AK5: variants seen among roughly 807,000 people sequenced by gnomAD.
The protein encoded by AK5 is adenylate kinase 5.
A neutral mutation model predicts 69.5 loss-of-function variants in AK5; 27 were observed. The ratio of observed to expected loss-of-function variants is 0.39; its 90% CI spans 0.29 to 0.54. The LOEUF is 0.54. AK5 is among the 20% of genes least tolerant of loss of function. The pLI, the probability that AK5 is intolerant of heterozygous loss-of-function variation, is 0.71. For missense variants in AK5, 531 were observed against 700.4 expected, an observed-to-expected ratio of 0.76 and a Z score of 2.73; for synonymous variants, 260 against 244.4, an observed-to-expected ratio of 1.06 and a Z score of -0.60.
intron 13 of AK5, among the ~76,000 whole-genome samples, chr1:77,551,921 G>C (rs563570958): frequency 6.6e-6 from 1 of 152,242 alleles, no homozygotes; most frequent in East Asian, 1.9e-4. Flanking sequence ...ATGACCTCGT[G>C]CTCATGGAGC....
chr1:77,501,557 C>T (rs538457376), intron 10 of AK5, among the ~76,000 whole-genome samples: 51 of 152,122 alleles, frequency 3.4e-4, no homozygotes, highest in Non-Finnish European at 5.7e-4. Context: ...AATAACACCA[C>T]GGTAAGTATT....
At chr1:77,470,853 ATATATATATATATATATATATAT>A (rs1462241595) in intron 8 of AK5, among the ~76,000 whole-genome samples, 482 of 2,952 alleles carry the variant, frequency 0.16, 71 homozygotes, top group African/African-American at 0.31. Flanking sequence ...ATATATATAT[ATATATATATATATATATATATAT>A]TTTTTTTTTT....
chr1:77,476,907 T>TTTAAA (rs945115135), intron 8 of AK5, among the ~76,000 whole-genome samples: 11 of 147,978 alleles, frequency 7.4e-5, no homozygotes, highest in African/African-American at 1.5e-4. Flanking sequence ...GCTGTTTTTT[T>TTTAAA]AAAAAAAAAA....
At chr1:77,472,854 ATCCCTTGGCTTGTGGC>A (rs1654608807) in intron 8 of AK5, among the ~76,000 whole-genome samples, 1 of 140,254 alleles carries the variant, frequency 7.1e-6, no homozygotes. Flanking sequence ...AGTTGCCCAC[ATCCCTTGGCTTGTGGC>A]TCCTTCCATC....
intron 12 of AK5, among the ~76,000 whole-genome samples, chr1:77,523,012 T>C (rs1036443716): frequency 6.6e-6 from 1 of 152,152 alleles, no homozygotes; most frequent in African/African-American, 2.4e-5. Flanking sequence ...AACTTACTGG[T>C]AAGTGCCAAC....
intron 6 of AK5, among the ~76,000 whole-genome samples, chr1:77,367,193 T>C (rs1246158353): frequency 6.6e-6 from 1 of 151,776 alleles, no homozygotes; most frequent in Non-Finnish European, 1.5e-5. Flanking sequence ...ACAAAATGCT[T>C]GGGACCAGAA....
At chr1:77,501,183 C>A (rs1656697233) in intron 10 of AK5, among the ~76,000 whole-genome samples, 1 of 152,190 alleles carries the variant, frequency 6.6e-6, no homozygotes, top group African/African-American at 2.4e-5. Flanking sequence ...AGCAGTAGGG[C>A]TATGCCCCTC....
At chr1:77,283,097 C>G (rs1658153203) in intron 1 of AK5, 1 of 985,848 alleles carries the variant, frequency 1.0e-6, no homozygotes, top group East Asian at 1.1e-4. Flanking sequence ...AGTCTTCAGA[C>G]CGCAGCACAG....
rs145556947 is a variant in AK5 at position 77,489,768 on chromosome 1, C to G, written c.1147+3416C>G. Among the ~76,000 whole-genome samples, 405 of 152,310 alleles carry G rather than the reference C, an allele frequency of 2.7e-3. 5 individuals carry two copies. Among genetic ancestry groups the G allele is most frequent in the East Asian group, 3.9e-3 (20 of 5,178 alleles). ...CCCTGTTTTAACATATCCATTAGATCCTTTTTGTCCACAGAAAGGTCCAGA... is the reference window on the plus strand; with the variant it reads ...CCCTGTTTTAACATATCCATTAGATGCTTTTTGTCCACAGAAAGGTCCAGA... On this transcript the variant is annotated intron_variant, in intron 10 of 13. Coordinates refer to ENST00000354567, the MANE Select transcript of AK5 (RefSeq NM_174858.3).
chr1:77,351,571 G>A (rs1218844274), intron 6 of AK5, among the ~76,000 whole-genome samples: 1 of 152,124 alleles, frequency 6.6e-6, no homozygotes, highest in Non-Finnish European at 1.5e-5. Flanking sequence ...CTTTCTCATA[G>A]TGACAAAATC....
chr1:77,457,039 G>A (rs771085516), intron 8 of AK5, among the ~76,000 whole-genome samples: 8 of 151,680 alleles, frequency 5.3e-5, no homozygotes, highest in Admixed American at 1.3e-4. Flanking sequence ...CCTTGTGTTC[G>A]CAAATCAGTT....
intron 7 of AK5, among the ~76,000 whole-genome samples, chr1:77,413,777 C>T (rs1650206511): frequency 6.6e-6 from 1 of 152,130 alleles, no homozygotes; most frequent in African/African-American, 2.4e-5. Context: ...CAACTTTCTC[C>T]ACTTTTCCTG....
intron 6 of AK5, among the ~76,000 whole-genome samples, chr1:77,396,915 T>C (rs973729068): frequency 1.3e-5 from 2 of 152,258 alleles, no homozygotes; most frequent in Non-Finnish European, 2.9e-5. Flanking sequence ...GCATATATAG[T>C]AAATGCTTAA....
At chr1:77,397,692 C>T (rs539389158) in intron 6 of AK5, among the ~76,000 whole-genome samples, 21 of 152,174 alleles carry the variant, frequency 1.4e-4, no homozygotes, top group African/African-American at 3.4e-4. Flanking sequence ...CCCAAGAGTT[C>T]GAAACCAGCC....
intron 6 of AK5, among the ~76,000 whole-genome samples, chr1:77,342,373 G>A (rs1045610732): frequency 5.1e-4 from 77 of 152,320 alleles, no homozygotes; most frequent in African/African-American, 1.8e-3. Context: ...AAGCAGAGCA[G>A]ATTTCTCAAA....
At chr1:77,393,207 A>G (rs78058153) in intron 6 of AK5, among the ~76,000 whole-genome samples, 12,847 of 152,228 alleles carry the variant, frequency 0.084, 723 homozygotes, top group South Asian at 0.17. Flanking sequence ...GTGATACTGT[A>G]ACTATAGTTA....
intron 5 of AK5, among the ~76,000 whole-genome samples, chr1:77,320,694 A>AGCT (rs913028803): frequency 9.2e-5 from 14 of 152,288 alleles, no homozygotes; most frequent in African/African-American, 3.4e-4. Context: ...GATTGCAGTG[A>AGCT]GCTGAGATCA....
chr1:77,517,322 C>T (rs1017252725), intron 10 of AK5, among the ~76,000 whole-genome samples: 2 of 152,066 alleles, frequency 1.3e-5, no homozygotes, highest in Admixed American at 6.6e-5. Flanking sequence ...ATACGCCAGG[C>T]GGAGAAGATG....
intron 13 of AK5, among the ~76,000 whole-genome samples, chr1:77,547,524 G>A (rs1011128175): frequency 6.6e-6 from 1 of 151,754 alleles, no homozygotes; most frequent in Non-Finnish European, 1.5e-5. Flanking sequence ...TGCCCGCCTC[G>A]GCCTCTCAAA....
Sources: gnomAD v4.1 joint callset for allele counts (sites outside exome capture counted in the v4.1 genomes callset) on GRCh38, gnomAD v4.1.1 for gene constraint, MANE v1.5 for transcripts, NCBI Gene and HGNC (gene_info 2026-07-23, HGNC 2026-07-21) for gene names.